The following OSBPL10 variants were observed in gnomAD, a reference collection of about 807,000 sequenced individuals.
The protein encoded by OSBPL10 is oxysterol binding protein like 10.
In OSBPL10, 49 loss-of-function variants were observed where a neutral mutation model predicts 81.7. The ratio of observed to expected loss-of-function variants is 0.60; its 90% CI spans 0.48 to 0.76. The LOEUF is 0.76. Among genes scored for constraint, OSBPL10 ranks in the 30% least tolerant of loss-of-function variants. OSBPL10 has a pLI of 0.00. For synonymous variants in OSBPL10, 419 were observed against 383.6 expected (o/e 1.09, Z -1.08); for missense variants, 923 against 987.8 (o/e 0.93, Z 0.88).
intron 4 of OSBPL10, among the ~76,000 whole-genome samples, chr3:31,774,914 C>T (rs368761127): frequency 2.6e-5 from 4 of 151,740 alleles, no homozygotes; most frequent in African/African-American, 9.7e-5. Context: ...TGCCTGTAAT[C>T]CCAGCACTTT....
intron 8 of OSBPL10, among the ~76,000 whole-genome samples, chr3:31,671,304 G>A (rs1700318095): frequency 6.6e-6 from 1 of 152,216 alleles, no homozygotes; most frequent in Admixed American, 6.5e-5. Context: ...CCTCCAACAG[G>A]AGAGACTGAC....
At chr3:31,770,812 G>C (rs1004536895) in intron 4 of OSBPL10, among the ~76,000 whole-genome samples, 5 of 152,100 alleles carry the variant, frequency 3.3e-5, no homozygotes, top group Admixed American at 1.3e-4. Flanking sequence ...AACTAGTTTT[G>C]AGCTCAGCTT....
chr3:31,918,071 C>G (rs939772859), intron 1 of OSBPL10, among the ~76,000 whole-genome samples: 5 of 150,692 alleles, frequency 3.3e-5, no homozygotes, highest in Non-Finnish European at 7.4e-5. Context: ...TCAAGAAATA[C>G]TAGGTTTTAA....
chr3:31,748,237 T>C (rs1697597516), intron 4 of OSBPL10, 117 bp from the exon 5 acceptor site: 1 of 856,492 alleles, frequency 1.2e-6, no homozygotes, highest in African/African-American at 1.7e-5. Flanking sequence ...CTCAGCGTGT[T>C]CGGTGCACAT....
At chr3:32,018,865 G>A (rs1338088549) in intron 2 of OSBPL10, among the ~76,000 whole-genome samples, 1 of 151,836 alleles carries the variant, frequency 6.6e-6, no homozygotes, top group Non-Finnish European at 1.5e-5. Context: ...AAATCAAAAG[G>A]AAGCAAAAGA....
In OSBPL10 at chr3:31,683,714, T is replaced by C. The variant is rs1236699676; in HGVS notation, c.1646A>G (p.Lys549Arg). The change falls in exon 8 of 12, where the codon AAG becomes AGG. Residue 549 changes from lysine (K) to arginine (R), a missense_variant. Lys to Arg is a conservative substitution (Grantham distance 26, BLOSUM62 2). Around this residue, in one of 3 missense-constraint regions of OSBPL10, gnomAD observed 387 missense variants for 436.3 expected, o/e 0.89. Coordinates refer to ENST00000396556, the MANE Select transcript of OSBPL10 (RefSeq NM_017784.5). The stretch of plus-strand genomic sequence containing the variant: ...TACATGAGTGTTGACGCACAGTCTC[T>C]TCTCCTCGCACTCACAGTAGAAGCA... ...ISCFYCECEE[K>R]RLCVNTHVWT... 6.2e-7 allele frequency: 1 copy of C among 1,614,228 alleles called. No individual in the cohort carries two copies. Among genetic ancestry groups the C allele is most frequent in the Non-Finnish European group, 8.5e-7 (1 of 1,180,032 alleles).
chr3:31,841,161 C>G (rs1379526152), intron 3 of OSBPL10, among the ~76,000 whole-genome samples: 1 of 152,224 alleles, frequency 6.6e-6, no homozygotes, highest in African/African-American at 2.4e-5. Context: ...ACCGCCTCGG[C>G]CTCCCAAAGT....
At chr3:31,870,510 G>A (rs186916128) in intron 3 of OSBPL10, among the ~76,000 whole-genome samples, 57 of 152,354 alleles carry the variant, frequency 3.7e-4, no homozygotes, top group African/African-American at 1.2e-3. Flanking sequence ...AATGCATGGC[G>A]CAGGACTGGC....
At chr3:31,672,619 T>A (rs755772480) in intron 8 of OSBPL10, among the ~76,000 whole-genome samples, 52 of 152,298 alleles carry the variant, frequency 3.4e-4, no homozygotes, top group Admixed American at 1.2e-3. Context: ...TTCCTCTAAT[T>A]GCCCATGCAC....
At chr3:31,747,848 G>T in intron 5 of OSBPL10, 62 bp downstream of exon 5, 1 of 1,500,830 alleles carries the variant, frequency 6.7e-7, no homozygotes, top group Non-Finnish European at 9.3e-7. Flanking sequence ...GAGGAAGACA[G>T]TGGGACACAG....
intron 4 of OSBPL10, among the ~76,000 whole-genome samples, chr3:31,805,719 G>A (rs552135982): frequency 6.6e-6 from 1 of 152,126 alleles, no homozygotes. Flanking sequence ...ATCACAACCT[G>A]CCTCATTTAG....
At chr3:31,692,600 T>C (rs1183882125) in intron 7 of OSBPL10, among the ~76,000 whole-genome samples, 1 of 152,128 alleles carries the variant, frequency 6.6e-6, no homozygotes, top group Non-Finnish European at 1.5e-5. Context: ...AACAATTGTA[T>C]AAGACAAAAA....
Position 31,981,025 on chromosome 3 carries a change from C to T in OSBPL10, c.155G>A (p.Gly52Glu). ...AGAGCCCGGGCTGCTGCGGCTTCCC[C>T]CGCCGCCGAGCCCGGCCGCCGCCGA... ...SRSAAAGLGGGGSRSSPGSVA... is the reference protein window; with the variant it reads ...SRSAAAGLGGEGSRSSPGSVA... Residue 52 changes from glycine to glutamate, a missense_variant, in exon 1 of 12, where the codon GGG becomes GAG. Transcript: ENST00000396556. This position sits in a 1 kb window ranked among gnomAD's most constrained non-coding sequence, Gnocchi z 4.5. The T allele has an allele frequency of 6.8e-7, 1 of 1,472,348 alleles. No homozygotes were observed. Among genetic ancestry groups the T allele is most frequent in the East Asian group, 2.9e-5 (1 of 34,142 alleles). The allele number at this position is 1,472,348 out of a possible 1,614,324, so 91.2% of individuals were successfully genotyped here. A position where few individuals can be genotyped will look rare whatever the true frequency, so the allele number is the denominator to read the frequency against.
intron 1 of OSBPL10, among the ~76,000 whole-genome samples, chr3:31,916,949 T>C (rs779033657): frequency 1.3e-5 from 2 of 152,224 alleles, no homozygotes; most frequent in East Asian, 3.8e-4. Context: ...GCAGACTAAA[T>C]ATATCTCTTT....
At chr3:32,002,955 A>T (rs1325148405) in intron 2 of OSBPL10, among the ~76,000 whole-genome samples, 1 of 152,334 alleles carries the variant, frequency 6.6e-6, no homozygotes, top group East Asian at 1.9e-4. Context: ...AGAAGCAACT[A>T]TGATGAGGGT....
chr3:31,965,631 A>AATATTATATAAATT (rs1698338665), intron 1 of OSBPL10, among the ~76,000 whole-genome samples: 1 of 71,990 alleles, frequency 1.4e-5, no homozygotes, highest in African/African-American at 6.4e-5. Context: ...TATATTATAT[A>AATATTATATAAATT]ATATATTATA....
intron 3 of OSBPL10, among the ~76,000 whole-genome samples, chr3:31,845,630 T>G (rs1700610147): frequency 6.6e-6 from 1 of 152,142 alleles, no homozygotes; most frequent in Non-Finnish European, 1.5e-5. Context: ...CGGTTCTGTG[T>G]CAGACTTCAC....
rs1282780788 is a variant in OSBPL10 at position 31,980,828 on chromosome 3, T to TACAC, written c.281+67_281+70dup. The TACAC allele has an allele frequency of 4.6e-5, 65 of 1,423,618 alleles. No individual in the cohort carries two copies. In the South Asian group the frequency reaches 6.6e-4, roughly 14 times the overall value. 88.2% of individuals were successfully genotyped at this position (1,423,618 alleles called of 1,614,324 possible). ...GCGCACACACATACACAGACACACA[T>TACAC]ACACACACGCACGCACACACACACA... On this transcript the variant is annotated intron_variant, in intron 1 of 11. Coordinates refer to ENST00000396556, the MANE Select transcript of OSBPL10 (RefSeq NM_017784.5).
chr3:31,817,611 C>G (rs9840128), intron 4 of OSBPL10, among the ~76,000 whole-genome samples: 104,397 of 151,876 alleles, frequency 0.69, 36,455 homozygotes, highest in East Asian at 0.93. Flanking sequence ...CCGTCTAAGA[C>G]CACAGGGAGG....
Sources: gnomAD v4.1 joint callset for allele counts (sites outside exome capture counted in the v4.1 genomes callset) on GRCh38, gnomAD v4.1.1 for gene constraint, gnomAD v4.1.1 regional missense constraint, Gnocchi (gnomAD v3.1) non-coding constraint, MANE v1.5 for transcripts, NCBI Gene and HGNC (gene_info 2026-07-23, HGNC 2026-07-21) for gene names.